LRRC56: variants seen among roughly 807,000 people sequenced by gnomAD.
LRRC56 encodes leucine-rich repeat-containing protein 56.
A neutral mutation model predicts 47.8 loss-of-function variants in LRRC56; 41 were observed. The ratio of observed to expected loss-of-function variants is 0.86; its 90% CI spans 0.67 to 1.11. LRRC56 has a LOEUF of 1.11. Among genes scored for constraint, LRRC56 ranks in the 50% most tolerant of loss-of-function variants. LRRC56 has a pLI of 0.00. For synonymous variants in LRRC56, 387 were observed against 311.2 expected (o/e 1.24, Z -2.56); for missense variants, 759 against 704.2 (o/e 1.08, Z -0.88).
chr11:538,286 C>T (rs1564795174), intron 1 of LRRC56, among the ~76,000 whole-genome samples: 1 of 152,168 alleles, frequency 6.6e-6, no homozygotes. Flanking sequence ...CATAGGTGTC[C>T]AGGGGCTGCC....
At chr11:517,109 C>T in the LRRC56 span, among the ~76,000 whole-genome samples, 456 of 152,366 alleles carry the variant, frequency 3.0e-3, 3 homozygotes, top group African/African-American at 9.5e-3. Flanking sequence ...CTCGGCCTCC[C>T]GGGGTGCTGG....
chr11:532,971 G>A (rs1357703748), upstream of LRRC56, among the ~76,000 whole-genome samples: 3 of 152,220 alleles, frequency 2.0e-5, no homozygotes, highest in Non-Finnish European at 2.9e-5. Flanking sequence ...TCAAAGGTCA[G>A]GGTGGCCCGG....
At chr11:535,911 A>G (rs1458774313), upstream of LRRC56, among the ~76,000 whole-genome samples, 1 of 152,112 alleles carries the variant, frequency 6.6e-6, no homozygotes, top group Non-Finnish European at 1.5e-5. Context: ...CCGGTGCACC[A>G]GAGGCCCTCC....
Position 554,435 on chromosome 11 carries a change from C to G in LRRC56, c.*159C>G. On this transcript the variant is annotated 3_prime_UTR_variant, in exon 14 of 14. Transcript: ENST00000270115. ...GTGGAGGGGAGTGGGGGACTGGGAC[C>G]AGCCAGGGAGGCAGCAGAGGCTGGA... 1 of 604,828 alleles carries G rather than the reference C, an allele frequency of 1.7e-6. No homozygotes were observed. The highest frequency in any genetic ancestry group is 2.5e-6 in the Non-Finnish European group (1 of 395,936). The allele number at this position is 604,828 out of a possible 1,614,324, so 37.5% of individuals were successfully genotyped here. A position where few individuals can be genotyped will look rare whatever the true frequency, so the allele number is the denominator to read the frequency against.
rs1870727 is a variant in LRRC56, at chr11:539,744, A to G, written c.-12+18A>G. 0.36 allele frequency: 54,387 copies of G among 152,124 alleles called. 10,062 individuals are homozygous for G. Among genetic ancestry groups the G allele is most frequent in the African/African-American group, 0.43 (17,779 of 41,400 alleles). The allele number at this position is 152,124 out of a possible 1,614,324, so 9.4% of individuals were successfully genotyped here. On this transcript the variant is annotated intron_variant, in intron 3 of 13. Transcript: ENST00000270115. ...AACACCAGGTAAGCCTGATGCACGT[A>G]GTCGAGGGACACACTGGGCTTAGGA...
chr11:518,102 C>T, the LRRC56 span, among the ~76,000 whole-genome samples: 1 of 152,152 alleles, frequency 6.6e-6, no homozygotes, highest in Non-Finnish European at 1.5e-5. Flanking sequence ...GACCTTCTCT[C>T]CACTATTATC....
At position 544,797 on chromosome 11, in the gene LRRC56, G is replaced by T. The variant is rs1241632650; in HGVS notation, c.326+17G>T. ...CTCCCTGAGGTGAGCGCCTGAGGGG[G>T]GTGGGCTGGGGCCCTGCCATGAGGG... On this transcript the variant is annotated intron_variant, in intron 6 of 13. Coordinates refer to ENST00000270115, the MANE Select transcript of LRRC56 (RefSeq NM_198075.4). 7 of 1,611,102 alleles carry T rather than the reference G, an allele frequency of 4.3e-6. No individual in the cohort carries two copies. The highest frequency in any genetic ancestry group is 5.9e-6 in the Non-Finnish European group (7 of 1,179,314).
chr11:518,902 C>CGG, the LRRC56 span, among the ~76,000 whole-genome samples: 23,573 of 150,490 alleles, frequency 0.16, 1,970 homozygotes, highest in Non-Finnish European at 0.19. Flanking sequence ...GGGACCGGGG[C>CGG]GGGGGGGCGT....
At chr11:522,488 G>A in the LRRC56 span, among the ~76,000 whole-genome samples, 14 of 152,078 alleles carry the variant, frequency 9.2e-5, no homozygotes, top group South Asian at 4.1e-4. Context: ...GGATACTCTC[G>A]ATCTCCTGAC....
chr11:547,264 A>G (rs1852129904), intron 6 of LRRC56, among the ~76,000 whole-genome samples: 1 of 152,114 alleles, frequency 6.6e-6, no homozygotes, highest in Non-Finnish European at 1.5e-5. Flanking sequence ...CAAAGAACAA[A>G]AAAAGTGCCC....
chr11:554,630 T>G lies in LRRC56; in HGVS notation c.*354T>G. On this transcript the variant is annotated 3_prime_UTR_variant, in exon 14 of 14. Coordinates refer to ENST00000270115, the MANE Select transcript of LRRC56 (RefSeq NM_198075.4). ...TTGGGCATGGCCGAGGGGCAGGGGCTGGAGCTGCGAGTCCACCACTCCCTT... is the reference window on the plus strand; with the variant it reads ...TTGGGCATGGCCGAGGGGCAGGGGCGGGAGCTGCGAGTCCACCACTCCCTT... 2.5e-6 allele frequency: 1 copy of G among 402,300 alleles called. No homozygotes were observed. The highest frequency in any genetic ancestry group is 4.4e-5 in the Admixed American group (1 of 22,820). The allele number at this position is 402,300 out of a possible 1,614,324, so 24.9% of individuals were successfully genotyped here. A position where few individuals can be genotyped will look rare whatever the true frequency, so the allele number is the denominator to read the frequency against.
At chr11:533,167 C>G, upstream of LRRC56, 1 of 1,030,870 alleles carries the variant, frequency 9.7e-7, no homozygotes, top group Non-Finnish European at 1.4e-6. Flanking sequence ...GGGCAGCTCT[C>G]CCCAAGGACC....
At chr11:509,778 T>G in the LRRC56 span, among the ~76,000 whole-genome samples, 14 of 149,960 alleles carry the variant, frequency 9.3e-5, no homozygotes, top group African/African-American at 3.2e-4. Context: ...TTAGCCAGGA[T>G]GGTCTCGAGC....
chr11:547,688 A>G (rs1852160720), intron 6 of LRRC56, among the ~76,000 whole-genome samples: 1 of 152,132 alleles, frequency 6.6e-6, no homozygotes, highest in African/African-American at 2.4e-5. Flanking sequence ...AATTAGCTCT[A>G]AGAACAACAA....
intron 6 of LRRC56, 99 bp from the exon 7 acceptor site, chr11:549,803 G>C: frequency 1.0e-6 from 1 of 981,814 alleles, no homozygotes; most frequent in South Asian, 1.4e-5. Flanking sequence ...GCCACCATAG[G>C]TGGTCACACC....
chr11:535,290 CCGCCGCCGCCGCCGCCGCCGCCGCTTA>C (rs1259355018), upstream of LRRC56: 1 of 25,874 alleles, frequency 3.9e-5, no homozygotes, highest in African/African-American at 1.4e-4. Context: ...CCCCACCCAC[CCGCCGCCGCCGCCGCCGCCGCCGCTTA>C]CGCCCGCCGG....
At chr11:536,434 A>T (rs1051313023), upstream of LRRC56, among the ~76,000 whole-genome samples, 1 of 152,266 alleles carries the variant, frequency 6.6e-6, no homozygotes, top group Non-Finnish European at 1.5e-5. Context: ...TGTTTTTAAC[A>T]TTTTTTAAAA....
At chr11:519,243 C>G in the LRRC56 span, among the ~76,000 whole-genome samples, 1 of 150,782 alleles carries the variant, frequency 6.6e-6, no homozygotes, top group Non-Finnish European at 1.5e-5. Context: ...AGGAACGTGG[C>G]CTGATACACA....
rs868652499 is a variant in LRRC56, at chr11:541,905, C to A, written c.265+281C>A. Among the ~76,000 whole-genome samples the A allele has an allele frequency of 9.9e-6, 1 of 101,520 alleles. No homozygotes were observed. The highest frequency in any genetic ancestry group is 4.4e-5 in the African/African-American group (1 of 22,856). 66.6% of individuals were successfully genotyped at this position (101,520 alleles called of 152,430 possible). ...AGTACCCCACACACCCACGCCAGTA[C>A]CCCCGGCACGCTCAGTACCCCACAC... On this transcript the variant is annotated intron_variant, in intron 5 of 13. Transcript: ENST00000270115. This position sits in a 1 kb window ranked among gnomAD's most constrained non-coding sequence, Gnocchi z 4.1.
Sources: gnomAD v4.1 joint callset for allele counts (sites outside exome capture counted in the v4.1 genomes callset) on GRCh38, gnomAD v4.1.1 for gene constraint, Gnocchi (gnomAD v3.1) non-coding constraint, MANE v1.5 for transcripts, NCBI Gene and HGNC (gene_info 2026-07-23, HGNC 2026-07-21) for gene names.